SAMD5: variants seen among roughly 807,000 people sequenced by gnomAD.
SAMD5 encodes sterile alpha motif domain containing 5, also known as sterile alpha motif domain-containing protein 5.
A neutral mutation model predicts 11.3 loss-of-function variants in SAMD5; 13 were observed. The observed-to-expected ratio is 1.15, with a 90% CI of 0.75 to 1.83. The LOEUF (loss-of-function observed/expected upper bound fraction) is 1.83. Ranked by LOEUF, SAMD5 falls within the 40% of genes most tolerant of loss-of-function variation. The pLI is 0.00. For missense variants in SAMD5, 255 were observed against 239.1 expected, an observed-to-expected ratio of 1.07 and a Z score of -0.44; for synonymous variants, 129 against 111.3, an observed-to-expected ratio of 1.16 and a Z score of -1.00.
chr6:147,690,626 G>A (rs1791087296), intron 1 of SAMD5, among the ~76,000 whole-genome samples: 2 of 152,164 alleles, frequency 1.3e-5, no homozygotes, highest in South Asian at 4.1e-4. Context: ...TCCATCCTGG[G>A]TGACAGAGTG....
chr6:147,614,428 C>T lies in SAMD5; in HGVS notation c.162+105041C>T, dbSNP rs146195157. Reference sequence around the variant, plus strand: ...AGGTTGCAGTGAGCTGAGATTGTGCCGTTGCACTCCAGCCTGGGCGACAGA... The same window carrying T: ...AGGTTGCAGTGAGCTGAGATTGTGCTGTTGCACTCCAGCCTGGGCGACAGA... On this transcript the variant is annotated intron_variant, in intron 1 of 1. Coordinates refer to the SAMD5 transcript ENST00000566741. Among the ~76,000 whole-genome samples the T allele has an allele frequency of 2.9e-3, 432 of 150,970 alleles. 3 individuals carry two copies. The highest frequency in any genetic ancestry group is 4.8e-3 in the Non-Finnish European group (323 of 67,902).
the SAMD5 span, among the ~76,000 whole-genome samples, chr6:147,770,777 TA>T: frequency 3.3e-5 from 5 of 152,236 alleles, no homozygotes; most frequent in African/African-American, 9.6e-5. Flanking sequence ...GAACATCTTT[TA>T]AAAAATAAAT....
chr6:147,656,807 T>C (rs1463621815), intron 1 of SAMD5, among the ~76,000 whole-genome samples: 3 of 152,164 alleles, frequency 2.0e-5, no homozygotes, highest in African/African-American at 7.2e-5. Context: ...ATTGGCAATA[T>C]GTAACAAAAT....
At chr6:147,944,627 G>C in the SAMD5 span, among the ~76,000 whole-genome samples, 11 of 152,168 alleles carry the variant, frequency 7.2e-5, no homozygotes, top group African/African-American at 2.4e-4. Context: ...AAAAACTATT[G>C]ACTATCCTAG....
chr6:147,880,120 A>C, the SAMD5 span, among the ~76,000 whole-genome samples: 8 of 152,204 alleles, frequency 5.3e-5, no homozygotes, highest in African/African-American at 1.9e-4. Flanking sequence ...GAAATATGAG[A>C]GAAGAAGCAT....
At chr6:147,796,871 C>G in the SAMD5 span, among the ~76,000 whole-genome samples, 1 of 149,524 alleles carries the variant, frequency 6.7e-6, no homozygotes. Flanking sequence ...CTGTGTTTCT[C>G]TGTTGTTGGT....
In SAMD5 at chr6:147,535,708, A is replaced by AC. The variant is rs1360270928; in HGVS notation, c.459+26322dup. ...TATTCTATGAAGAATTTTAGATAAG[A>AC]CTTTTTGAAAGTCGAGCCTAGCCAT... On this transcript the variant is annotated intron_variant, in intron 1 of 1. Coordinates refer to ENST00000367474, the MANE Select transcript of SAMD5 (RefSeq NM_001030060.3). 4.6e-5 allele frequency among the ~76,000 whole-genome samples: 7 copies of AC among 152,332 alleles called. 1 individual carries two copies. The highest frequency in any genetic ancestry group is 4.1e-4 in the South Asian group (2 of 4,830).
intron 1 of SAMD5, among the ~76,000 whole-genome samples, chr6:147,584,447 G>C (rs1789345462): frequency 1.3e-5 from 2 of 152,148 alleles, no homozygotes; most frequent in African/African-American, 4.8e-5. Context: ...CACAGCATCG[G>C]AGTACTGGAC....
chr6:147,525,350 CT>C (rs1053079081), intron 1 of SAMD5, among the ~76,000 whole-genome samples: 9 of 146,972 alleles, frequency 6.1e-5, no homozygotes, highest in African/African-American at 2.3e-4. Flanking sequence ...TGGCTGACCC[CT>C]GAAGACGTGT....
At chr6:147,903,658 C>A in the SAMD5 span, among the ~76,000 whole-genome samples, 1 of 152,024 alleles carries the variant, frequency 6.6e-6, no homozygotes, top group Non-Finnish European at 1.5e-5. Flanking sequence ...GGCTATAATC[C>A]CAGCACTTTA....
chr6:147,624,389 C>T (rs1048732663), intron 1 of SAMD5, among the ~76,000 whole-genome samples: 1 of 152,114 alleles, frequency 6.6e-6, no homozygotes, highest in African/African-American at 2.4e-5. Flanking sequence ...AAGGCTCAGC[C>T]ACCTGGAGTG....
chr6:147,721,339 T>C (rs1791549157), intron 1 of SAMD5, among the ~76,000 whole-genome samples: 1 of 151,656 alleles, frequency 6.6e-6, no homozygotes, highest in Non-Finnish European at 1.5e-5. Context: ...TTCCTATTTC[T>C]CCACATCCTC....
At chr6:147,771,132 C>T in the SAMD5 span, among the ~76,000 whole-genome samples, 1 of 152,156 alleles carries the variant, frequency 6.6e-6, no homozygotes, top group Non-Finnish European at 1.5e-5. Context: ...ATAATGCTTG[C>T]TCACCTACAA....
the SAMD5 span, among the ~76,000 whole-genome samples, chr6:147,746,589 A>G: frequency 6.6e-6 from 1 of 152,212 alleles, no homozygotes; most frequent in Non-Finnish European, 1.5e-5. Context: ...GTGAGAGAGC[A>G]TACAAATTTA....
chr6:147,669,431 T>C, intron 1 of SAMD5, among the ~76,000 whole-genome samples: 2 of 142,280 alleles, frequency 1.4e-5, no homozygotes, highest in Non-Finnish European at 1.5e-5. Context: ...TTTTTTTTTT[T>C]TTTTTTTTTT....
chr6:147,921,599 A>C, the SAMD5 span, among the ~76,000 whole-genome samples: 1 of 152,218 alleles, frequency 6.6e-6, no homozygotes, highest in South Asian at 2.1e-4. Context: ...GGACTTTTCC[A>C]AGACCACACA....
At chr6:147,896,106 G>T in the SAMD5 span, among the ~76,000 whole-genome samples, 1 of 152,224 alleles carries the variant, frequency 6.6e-6, no homozygotes, top group Non-Finnish European at 1.5e-5. Flanking sequence ...AGTCCTGATA[G>T]TGCACCTGAG....
chr6:147,786,884 C>G, the SAMD5 span, among the ~76,000 whole-genome samples: 1 of 152,138 alleles, frequency 6.6e-6, no homozygotes, highest in Non-Finnish European at 1.5e-5. Context: ...CAAGGCATGA[C>G]CAGCCACACT....
the SAMD5 span, among the ~76,000 whole-genome samples, chr6:147,800,148 A>C: frequency 6.6e-6 from 1 of 152,102 alleles, no homozygotes; most frequent in Non-Finnish European, 1.5e-5. Context: ...AGGCACTCTG[A>C]TTTTTAGAGT....
Sources: gnomAD v4.1 joint callset for allele counts (sites outside exome capture counted in the v4.1 genomes callset) on GRCh38, gnomAD v4.1.1 for gene constraint, MANE v1.5 for transcripts, NCBI Gene and HGNC (gene_info 2026-07-23, HGNC 2026-07-21) for gene names.